ZBTB40: variants seen among roughly 807,000 people sequenced by gnomAD.
ZBTB40 encodes the protein zinc finger and BTB domain containing 40.
In ZBTB40, 60 loss-of-function variants were observed where a neutral mutation model predicts 117.5. The ratio of observed to expected loss-of-function variants is 0.51; its 90% CI spans 0.41 to 0.63. The LOEUF is 0.63. ZBTB40 is among the 30% of genes least tolerant of loss of function. ZBTB40 has a pLI of 0.00. For missense variants in ZBTB40, 1,287 were observed against 1,498.5 expected (o/e 0.86, Z 2.33); for synonymous variants, 525 against 577.1 (o/e 0.91, Z 1.29).
intron 1 of ZBTB40, among the ~76,000 whole-genome samples, chr1:22,458,077 G>A (rs1234581672): frequency 6.6e-6 from 1 of 152,182 alleles, no homozygotes; most frequent in Non-Finnish European, 1.5e-5. Context: ...ATTTAGTTAG[G>A]CTACAGGACT....
upstream of ZBTB40, among the ~76,000 whole-genome samples, chr1:22,450,138 T>C (rs1320212716): frequency 1.3e-5 from 2 of 151,772 alleles, no homozygotes; most frequent in African/African-American, 2.4e-5. Context: ...GAGACGGGGG[T>C]TTCACCATGT....
Position 22,506,191 on chromosome 1 carries a change from G to A in ZBTB40, c.1310G>A (p.Gly437Asp). 1 of 1,614,164 alleles carries A rather than the reference G, an allele frequency of 6.2e-7. No homozygotes were observed. The highest frequency in any genetic ancestry group is 8.5e-7 in the Non-Finnish European group (1 of 1,180,020). ...QAVKTTFPNL[G>D]LLLEKLQKSA... Reference sequence around the variant, plus strand: ...GTGAAGACGACTTTCCCAAACCTGGGCCTTCTGCTAGAGAAGTTGCAGAAA... The same window carrying A: ...GTGAAGACGACTTTCCCAAACCTGGACCTTCTGCTAGAGAAGTTGCAGAAA... Residue 437 changes from glycine to aspartate, a missense_variant, in exon 6 of 18, where the codon GGC becomes GAC. This residue lies in a region of ZBTB40 where 870 missense variants were observed against 934.4 expected (regional missense o/e 0.93). Transcript: ENST00000375647.
In ZBTB40 at chr1:22,460,071, C is replaced by T. The variant is rs2124387501; in HGVS notation, c.-70+8067C>T. Among the ~76,000 whole-genome samples the T allele has an allele frequency of 1.3e-5, 2 of 152,306 alleles. 1 individual carries two copies. Among genetic ancestry groups the T allele is most frequent in the South Asian group, 4.1e-4 (2 of 4,824 alleles). On this transcript the variant is annotated intron_variant, in intron 1 of 17. Transcript: ENST00000375647. Reference sequence around the variant, plus strand: ...CAAATTATTCCTTGATACCTCCCCCCTTAAAGCTCATCCTATTATATTGTT... The same window carrying T: ...CAAATTATTCCTTGATACCTCCCCCTTTAAAGCTCATCCTATTATATTGTT...
At chr1:22,464,228 T>C (rs1641199424) in intron 1 of ZBTB40, among the ~76,000 whole-genome samples, 1 of 152,252 alleles carries the variant, frequency 6.6e-6, no homozygotes, top group Non-Finnish European at 1.5e-5. Flanking sequence ...GATCACACAC[T>C]TTGTAATTGA....
intron 12 of ZBTB40, 31 bp from the exon 13 acceptor site, chr1:22,517,269 C>T (rs1192660109): frequency 6.2e-7 from 1 of 1,612,964 alleles, no homozygotes; most frequent in Non-Finnish European, 8.5e-7. Flanking sequence ...ATTTTTAGTG[C>T]TGACTCTAAT....
chr1:22,429,010 T>C (rs1640541265), exon 1 of ZBTB40, among the ~76,000 whole-genome samples: 1 of 152,246 alleles, frequency 6.6e-6, no homozygotes, highest in African/African-American at 2.4e-5. Context: ...AGCCCCGGAC[T>C]GCTAGTAAGT....
chr1:22,449,139 G>A (rs998776097), upstream of ZBTB40, among the ~76,000 whole-genome samples: 1 of 152,092 alleles, frequency 6.6e-6, no homozygotes, highest in African/African-American at 2.4e-5. Flanking sequence ...CTACGGCCAG[G>A]AACATGTTTT....
At chr1:22,474,937 C>T (rs1287632083) in intron 1 of ZBTB40, among the ~76,000 whole-genome samples, 1 of 82,410 alleles carries the variant, frequency 1.2e-5, no homozygotes, top group Admixed American at 1.5e-4. Flanking sequence ...TTACCAGTAC[C>T]AACAATAAAA....
chr1:22,456,576 A>G (rs942142828), intron 1 of ZBTB40, among the ~76,000 whole-genome samples: 3 of 152,194 alleles, frequency 2.0e-5, no homozygotes, highest in Admixed American at 6.5e-5. Context: ...TGCAGAACCA[A>G]CAATGAAACA....
At chr1:22,468,687 T>A in intron 1 of ZBTB40, among the ~76,000 whole-genome samples, 1 of 125,836 alleles carries the variant, frequency 7.9e-6, no homozygotes, top group East Asian at 2.6e-4. Context: ...TTTGTAGAAA[T>A]GGGGTCTCAC....
rs540888083 is a variant in ZBTB40 at position 22,526,331 on chromosome 1, G to A, written c.3655G>A (p.Val1219Met). ...SQASQASSEL[V>M]AVTVEDLLDG... ...GGCATCTCAGGCCAGCTCTGAGCTCGTGGCGGTGACTGTGGAGGACTTGCT... is the reference window on the plus strand; with the variant it reads ...GGCATCTCAGGCCAGCTCTGAGCTCATGGCGGTGACTGTGGAGGACTTGCT... The change falls in exon 18 of 18, where the codon GTG becomes ATG. Residue 1219 changes from valine (V) to methionine (M), a missense_variant. Around this residue, in one of 2 missense-constraint regions of ZBTB40, gnomAD observed 417 missense variants for 564.1 expected, o/e 0.74. Coordinates refer to ENST00000375647, the MANE Select transcript of ZBTB40 (RefSeq NM_014870.4). 1.2e-5 allele frequency: 19 copies of A among 1,614,190 alleles called. No homozygotes were observed. The highest frequency in any genetic ancestry group is 2.7e-5 in the African/African-American group (2 of 75,044).
chr1:22,515,646 C>A (rs1639356193), intron 12 of ZBTB40, among the ~76,000 whole-genome samples: 2 of 152,138 alleles, frequency 1.3e-5, no homozygotes, highest in African/African-American at 4.8e-5. Flanking sequence ...TTATGAGGAC[C>A]CTTGCGATTA....
chr1:22,463,793 G>A (rs1641188955), intron 1 of ZBTB40, among the ~76,000 whole-genome samples: 1 of 152,238 alleles, frequency 6.6e-6, no homozygotes, highest in Non-Finnish European at 1.5e-5. Context: ...GACATAAGCA[G>A]TTTGTTACGC....
At chr1:22,431,826 G>C (rs1450193824) in intron 1 of ZBTB40, among the ~76,000 whole-genome samples, 1 of 151,788 alleles carries the variant, frequency 6.6e-6, no homozygotes, top group Non-Finnish European at 1.5e-5. Flanking sequence ...TGTATTTGAT[G>C]GTATTTTTTT....
At chr1:22,519,133 G>A (rs988549557) in intron 13 of ZBTB40, among the ~76,000 whole-genome samples, 1 of 152,216 alleles carries the variant, frequency 6.6e-6, no homozygotes, top group Non-Finnish European at 1.5e-5. Flanking sequence ...TAGTGATACC[G>A]AATGCTGCTG....
intron 13 of ZBTB40, 41 bp from the exon 14 acceptor site, chr1:22,520,020 C>G: frequency 6.3e-7 from 1 of 1,589,930 alleles, no homozygotes; most frequent in Non-Finnish European, 8.6e-7. Flanking sequence ...GTTTTCTTTT[C>G]CTCTCCACCT....
At chr1:22,452,426 T>A (rs1640901253) in intron 1 of ZBTB40, among the ~76,000 whole-genome samples, 2 of 152,240 alleles carry the variant, frequency 1.3e-5, no homozygotes, top group South Asian at 4.1e-4. Context: ...TCTCGGTCTT[T>A]GTTTACAGTT....
intron 1 of ZBTB40, among the ~76,000 whole-genome samples, chr1:22,439,054 G>C (rs1640703594): frequency 6.6e-6 from 1 of 152,080 alleles, no homozygotes; most frequent in Admixed American, 6.6e-5. Context: ...TTTTAGTAGA[G>C]ACAGGGTTTC....
chr1:22,454,109 C>T (rs2124379702), intron 1 of ZBTB40, among the ~76,000 whole-genome samples: 1 of 152,212 alleles, frequency 6.6e-6, no homozygotes, highest in African/African-American at 2.4e-5. Context: ...GCCACGACAC[C>T]CGGCTAATTT....
Sources: allele counts gnomAD v4.1 joint callset (sites outside exome capture counted in the v4.1 genomes callset), GRCh38; gene constraint gnomAD v4.1.1; regional missense constraint gnomAD v4.1.1; transcripts MANE v1.5; gene names NCBI Gene and HGNC (gene_info 2026-07-23, HGNC 2026-07-21).